The following ENPP6 variants were observed in gnomAD, a reference collection of about 807,000 sequenced individuals.
ENPP6 encodes ectonucleotide pyrophosphatase/phosphodiesterase 6.
ENPP6 carries 32 observed loss-of-function variants against 42.0 expected under a neutral mutation model. The observed-to-expected ratio is 0.76, with a 90% CI of 0.58 to 1.02. The LOEUF is 1.02. Ranked by LOEUF, ENPP6 falls within the 50% of genes least tolerant of loss-of-function variation. The probability of loss-of-function intolerance (pLI) is 0.00; values close to 1 mark genes in which losing one functional copy is unlikely to be tolerated. For missense variants in ENPP6, 552 were observed against 566.8 expected (o/e 0.97, Z 0.27); for synonymous variants, 213 against 216.0 (o/e 0.99, Z 0.12).
intron 2 of ENPP6, among the ~76,000 whole-genome samples, chr4:184,129,572 T>G (rs1165435580): frequency 6.6e-6 from 1 of 152,182 alleles, no homozygotes; most frequent in Non-Finnish European, 1.5e-5. Flanking sequence ...ACTTCTATGG[T>G]CTACATGCTT....
At chr4:184,168,624 A>G (rs1579646252) in intron 1 of ENPP6, among the ~76,000 whole-genome samples, 1 of 152,048 alleles carries the variant, frequency 6.6e-6, no homozygotes, top group Non-Finnish European at 1.5e-5. Context: ...GGTCTTCACC[A>G]CCGCCCGCAG....
At chr4:184,113,959 C>A (rs1327270855) in intron 5 of ENPP6, among the ~76,000 whole-genome samples, 1 of 128,796 alleles carries the variant, frequency 7.8e-6, no homozygotes, top group Non-Finnish European at 1.7e-5. Flanking sequence ...TTCTTTCTTT[C>A]TTTCTCTCTT....
chr4:184,103,248 C>G (rs1736035079), intron 6 of ENPP6, among the ~76,000 whole-genome samples: 1 of 152,336 alleles, frequency 6.6e-6, no homozygotes, highest in East Asian at 1.9e-4. Context: ...TATTGTGTCT[C>G]CTTTCAACTA....
At chr4:184,097,543 G>GC (rs1304990605) in intron 6 of ENPP6, among the ~76,000 whole-genome samples, 175 bp from the exon 7 acceptor site, 1 of 152,210 alleles carries the variant, frequency 6.6e-6, no homozygotes, top group Non-Finnish European at 1.5e-5. Flanking sequence ...CAGACCTCGG[G>GC]CAGCAGCCTA....
At chr4:184,170,378 C>T (rs1319260485) in intron 1 of ENPP6, among the ~76,000 whole-genome samples, 4 of 150,324 alleles carry the variant, frequency 2.7e-5, no homozygotes, top group Non-Finnish European at 5.9e-5. Context: ...TGTGGTGAGC[C>T]GAGATTGCAC....
rs142954368 is a variant in ENPP6, at chr4:184,194,209, C to T, written c.241+23370G>A. Among the ~76,000 whole-genome samples the T allele has an allele frequency of 7.1e-4, 108 of 152,308 alleles. 1 individual carries two copies. Among genetic ancestry groups the T allele is most frequent in the African/African-American group, 2.6e-3 (106 of 41,568 alleles). ...CTAAGAAGTCACCACCTGAATGTCCCGCAAGCGTCGCAGTGTGAGAATATA... is the reference window on the plus strand; with the variant it reads ...CTAAGAAGTCACCACCTGAATGTCCTGCAAGCGTCGCAGTGTGAGAATATA... On this transcript the variant is annotated intron_variant, in intron 1 of 7. Coordinates refer to ENST00000296741, the MANE Select transcript of ENPP6 (RefSeq NM_153343.4).
chr4:184,105,124 C>A (rs1736067568), intron 6 of ENPP6, among the ~76,000 whole-genome samples: 1 of 152,110 alleles, frequency 6.6e-6, no homozygotes, highest in African/African-American at 2.4e-5. Flanking sequence ...ATTCCCAACA[C>A]TTAAGTCTTG....
At chr4:184,187,525 G>T (rs912714690) in intron 1 of ENPP6, among the ~76,000 whole-genome samples, 10 of 152,180 alleles carry the variant, frequency 6.6e-5, no homozygotes, top group Admixed American at 1.3e-4. Flanking sequence ...AGCTGTCGCT[G>T]TTCCCTGCCT....
intron 7 of ENPP6, among the ~76,000 whole-genome samples, chr4:184,096,619 G>A (rs1350105864): frequency 6.6e-6 from 1 of 152,158 alleles, no homozygotes; most frequent in African/African-American, 2.4e-5. Context: ...TGACCAGATA[G>A]GCCCTCTCCA....
chr4:184,166,061 G>A (rs531868963), intron 1 of ENPP6, among the ~76,000 whole-genome samples: 17 of 152,252 alleles, frequency 1.1e-4, no homozygotes, highest in African/African-American at 4.1e-4. Context: ...ATTGAAATTT[G>A]CCTTGCAGAT....
At chr4:184,133,394 A>G (rs999811996) in intron 2 of ENPP6, among the ~76,000 whole-genome samples, 12 of 152,180 alleles carry the variant, frequency 7.9e-5, no homozygotes, top group Non-Finnish European at 1.6e-4. Flanking sequence ...TGAATTTACT[A>G]TAAATGGTAT....
intron 7 of ENPP6, among the ~76,000 whole-genome samples, chr4:184,094,277 AAAAAC>A (rs78492507): frequency 1.3e-5 from 2 of 152,242 alleles, no homozygotes; most frequent in Non-Finnish European, 2.9e-5. Flanking sequence ...ACCATCTCTA[AAAAAC>A]AAAACAAAAC....
At chr4:184,189,180 G>A (rs897943489) in intron 1 of ENPP6, among the ~76,000 whole-genome samples, 5 of 152,110 alleles carry the variant, frequency 3.3e-5, no homozygotes, top group African/African-American at 4.8e-5. Flanking sequence ...CCTCTCAGCC[G>A]CCTTCCTTTC....
At chr4:184,130,854 T>C (rs1180588435) in intron 2 of ENPP6, among the ~76,000 whole-genome samples, 1 of 152,188 alleles carries the variant, frequency 6.6e-6, no homozygotes, top group Non-Finnish European at 1.5e-5. Flanking sequence ...CCAACTGCCT[T>C]GTAATATGCC....
chr4:184,143,039 C>G (rs561987853), intron 2 of ENPP6, among the ~76,000 whole-genome samples: 1 of 152,184 alleles, frequency 6.6e-6, no homozygotes, highest in Non-Finnish European at 1.5e-5. Flanking sequence ...TACAGTGACT[C>G]CATGCTTCCC....
intron 7 of ENPP6, among the ~76,000 whole-genome samples, chr4:184,096,891 C>T (rs923683081): frequency 6.6e-6 from 1 of 151,990 alleles, no homozygotes; most frequent in Admixed American, 6.6e-5. Context: ...AGACTCACAG[C>T]GGTCAGCAAC....
intron 1 of ENPP6, among the ~76,000 whole-genome samples, chr4:184,156,323 C>A (rs933912645): frequency 6.6e-6 from 1 of 152,164 alleles, no homozygotes; most frequent in Admixed American, 6.5e-5. Flanking sequence ...CAGTCGAAGT[C>A]GACTCAGACT....
At chr4:184,161,858 T>A (rs895050036) in intron 1 of ENPP6, among the ~76,000 whole-genome samples, 9 of 151,690 alleles carry the variant, frequency 5.9e-5, no homozygotes, top group Non-Finnish European at 1.3e-4. Flanking sequence ...AAGAAAGATG[T>A]AATGGACTTT....
intron 1 of ENPP6, among the ~76,000 whole-genome samples, chr4:184,193,876 A>C (rs369894897): frequency 1.5e-4 from 23 of 152,086 alleles, no homozygotes; most frequent in African/African-American, 5.1e-4. Context: ...CCCTAACCTA[A>C]GGGTGTTTTC....
Sources: gnomAD v4.1 joint callset for allele counts (sites outside exome capture counted in the v4.1 genomes callset) on GRCh38, gnomAD v4.1.1 for gene constraint, MANE v1.5 for transcripts, NCBI Gene and HGNC (gene_info 2026-07-23, HGNC 2026-07-21) for gene names.